The following PHF12 variants were observed in gnomAD, a reference collection of about 807,000 sequenced individuals.
PHF12 encodes the protein PHD factor 1.
In PHF12, 6 loss-of-function variants were observed where a neutral mutation model predicts 99.8. The observed-to-expected ratio is 0.06, with a 90% CI of 0.03 to 0.12. The LOEUF is 0.12. Among genes scored for constraint, PHF12 ranks in the 10% least tolerant of loss-of-function variants. The pLI is 1.00. For synonymous variants in PHF12, 480 were observed against 514.9 expected (o/e 0.93, Z 0.92); for missense variants, 954 against 1,300.1 (o/e 0.73, Z 4.09).
intron 3 of PHF12, chr17:28,924,925 TG>T (rs2040240153): frequency 7.1e-6 from 1 of 140,978 alleles, no homozygotes; most frequent in Admixed American, 7.5e-5. Context: ...CACTCCAGCT[TG>T]GGCGACAGAG....
In PHF12 at chr17:28,950,407, G is replaced by A. The variant is rs2152680979; in HGVS notation, c.67-161C>T. 3.9e-6 allele frequency: 3 copies of A among 767,864 alleles called. No homozygotes were observed. Among genetic ancestry groups the A allele is most frequent in the East Asian group, 2.8e-5 (1 of 36,264 alleles). The allele number at this position is 767,864 out of a possible 1,614,324, so 47.6% of individuals were successfully genotyped here. On this transcript the variant is annotated intron_variant, in intron 1 of 14. Coordinates refer to ENST00000332830, the MANE Select transcript of PHF12 (RefSeq NM_001033561.2). The surrounding 1 kb of genome is among the most constrained non-coding windows in gnomAD (Gnocchi z 5.7). ...AATCTCTCAGCCCCCGGAACCAGGGGGAGCCCACCCTAACCGCGTTCCTGC... is the reference window on the plus strand; with the variant it reads ...AATCTCTCAGCCCCCGGAACCAGGGAGAGCCCACCCTAACCGCGTTCCTGC...
chr17:28,940,012 G>C (rs2040584882), intron 2 of PHF12, among the ~76,000 whole-genome samples: 2 of 152,232 alleles, frequency 1.3e-5, no homozygotes, highest in South Asian at 4.1e-4. Flanking sequence ...CTGCCCTGCT[G>C]TTACTCTGTA....
At chr17:28,917,555 G>C in intron 6 of PHF12, 106 bp from the exon 7 acceptor site, 6 of 1,275,830 alleles carry the variant, frequency 4.7e-6, no homozygotes, top group Non-Finnish European at 5.4e-6. Flanking sequence ...CAGCCACATA[G>C]GTTCCCTCAA....
intron 5 of PHF12, among the ~76,000 whole-genome samples, chr17:28,921,136 G>A (rs890871091): frequency 6.6e-6 from 1 of 151,676 alleles, no homozygotes; most frequent in East Asian, 1.9e-4. Flanking sequence ...AGCCTGCCTC[G>A]GCCTCCCAAA....
chr17:28,947,887 CA>C (rs5819857), intron 2 of PHF12, among the ~76,000 whole-genome samples: 4,042 of 142,328 alleles, frequency 0.028, 131 homozygotes, highest in African/African-American at 0.085. Flanking sequence ...TTCAATGCCT[CA>C]AAAAAAAAAA....
In PHF12 at chr17:28,949,986, G is replaced by A; in HGVS notation, c.248+79C>T. On this transcript the variant is annotated intron_variant, in intron 2 of 14. Transcript: ENST00000332830. This position sits in a 1 kb window ranked among gnomAD's most constrained non-coding sequence, Gnocchi z 4.6. ...GCGGCTGCAAGCGCCCGTTATTTCG[G>A]CAGTCAGGGGCAGGCCGGGTGAAGG... The A allele has an allele frequency of 7.8e-6, 11 of 1,412,328 alleles. No homozygotes were observed. The highest frequency in any genetic ancestry group is 1.0e-5 in the Non-Finnish European group (11 of 1,063,750). The allele number at this position is 1,412,328 out of a possible 1,614,324, so 87.5% of individuals were successfully genotyped here. A position where few individuals can be genotyped will look rare whatever the true frequency, so the allele number is the denominator to read the frequency against.
chr17:28,921,335 A>G (rs2040160618), intron 5 of PHF12, among the ~76,000 whole-genome samples: 1 of 152,064 alleles, frequency 6.6e-6, no homozygotes, highest in Non-Finnish European at 1.5e-5. Flanking sequence ...GTTCATTAAA[A>G]AAATTTTTTT....
Position 28,906,985 on chromosome 17 carries a change from G to A in PHF12, c.2551C>T (p.His851Tyr), listed in dbSNP as rs754671196. 9.9e-6 allele frequency: 16 copies of A among 1,609,122 alleles called. No individual in the cohort carries two copies. In the South Asian group the frequency reaches 1.7e-4, roughly 17 times the overall value. ...TCACTGTAGTTTAACAGCTCATAAT[G>A]TTTGGTATTCTGAGGAGGAGGAGGG... The part of the protein sequence containing the change: ...ACIFYDENTK[H>Y]YELLNYSEHG... Residue 851 changes from histidine (H) to tyrosine (Y), a missense_variant, in exon 14 of 15, where the codon CAT becomes TAT. His to Tyr is a moderately conservative substitution (Grantham distance 83, BLOSUM62 2). Coordinates refer to ENST00000332830, the MANE Select transcript of PHF12 (RefSeq NM_001033561.2). The surrounding 1 kb of genome is among the most constrained non-coding windows in gnomAD (Gnocchi z 4.2).
At position 28,917,466 on chromosome 17, in the gene PHF12, C is replaced by A; in HGVS notation, c.970-17G>T. ...CTGGTTCAGCTAGGGACAAAGCAGACACAACCTTGTGGTGAGCCTCAAAAG... is the reference window on the plus strand; with the variant it reads ...CTGGTTCAGCTAGGGACAAAGCAGAAACAACCTTGTGGTGAGCCTCAAAAG... On this transcript the variant is annotated splice_polypyrimidine_tract_variant and intron_variant, in intron 6 of 14. Transcript: ENST00000332830. 6.3e-7 allele frequency: 1 copy of A among 1,589,148 alleles called. No individual in the cohort carries two copies. Among genetic ancestry groups the A allele is most frequent in the Non-Finnish European group, 8.6e-7 (1 of 1,166,308 alleles).
chr17:28,934,966 T>C (rs2040482416), intron 2 of PHF12, among the ~76,000 whole-genome samples: 1 of 152,250 alleles, frequency 6.6e-6, no homozygotes, highest in African/African-American at 2.4e-5. Context: ...TCTGGAATAG[T>C]TGTCTTCTGT....
Position 28,912,620 on chromosome 17 carries a change from C to T in PHF12, c.1951G>A (p.Gly651Arg). ...GGCCTTGAATCTGTCAACGGAGGTC[C>T]TATCTGTGATTGGACAGTCTTTCTT... ...LQRKTVQSQI[G>R]PPLTDSRPLG... The change falls in exon 9 of 15, where the codon GGA becomes AGA. Residue 651 changes from glycine to arginine, a missense_variant. By Grantham distance (125) the Gly-to-Arg change is moderately radical. Transcript: ENST00000332830. 6.2e-7 allele frequency: 1 copy of T among 1,614,216 alleles called. No individual in the cohort carries two copies. The highest frequency in any genetic ancestry group is 8.5e-7 in the Non-Finnish European group (1 of 1,180,044).
At chr17:28,932,561 G>A (rs2040432689) in intron 2 of PHF12, among the ~76,000 whole-genome samples, 1 of 152,170 alleles carries the variant, frequency 6.6e-6, no homozygotes, top group Non-Finnish European at 1.5e-5. Context: ...CTGCTGACAG[G>A]GAAAGGATTC....
chr17:28,917,332 G>A lies in PHF12; in HGVS notation c.1087C>T (p.Pro363Ser). 1 of 1,614,050 alleles carries A rather than the reference G, an allele frequency of 6.2e-7. No homozygotes were observed. The highest frequency in any genetic ancestry group is 1.1e-5 in the South Asian group (1 of 91,066). Residue 363 changes from proline to serine, a missense_variant, in exon 7 of 15, where the codon CCC becomes TCC. This residue lies in a region of PHF12 where 392 missense variants were observed against 423.1 expected (regional missense o/e 0.93). Coordinates refer to ENST00000332830, the MANE Select transcript of PHF12 (RefSeq NM_001033561.2). ...DFLNRIHKKH[P>S]PNRRVLQSVK... ...GACTGGAGCACACGCCGGTTAGGGG[G>A]GTGCTTCTTGTGGATTCGGTTCAGG...
Position 28,907,677 on chromosome 17 carries a change from AAGGTGGC to A in PHF12, c.2459-12_2459-6del. 1 of 1,613,046 alleles carries A rather than the reference AAGGTGGC, an allele frequency of 6.2e-7. No individual in the cohort carries two copies. The highest frequency in any genetic ancestry group is 8.5e-7 in the Non-Finnish European group (1 of 1,179,182). The stretch of plus-strand genomic sequence containing the variant: ...GGCACACATCCATGTCAGCTCCTGC[AAGGTGGC>A]AGGAGTAGAGGAAAAGGAAGGCAGA... On this transcript the variant is annotated splice_polypyrimidine_tract_variant and splice_region_variant and intron_variant, in intron 12 of 14. Transcript: ENST00000332830.
chr17:28,949,743 G>T lies in PHF12; in HGVS notation c.248+322C>A. 1 of 235,628 alleles carries T rather than the reference G, an allele frequency of 4.2e-6. No homozygotes were observed. Among genetic ancestry groups the T allele is most frequent in the Non-Finnish European group, 8.2e-6 (1 of 121,432 alleles). 14.6% of individuals were successfully genotyped at this position (235,628 alleles called of 1,614,324 possible). On this transcript the variant is annotated intron_variant, in intron 2 of 14. Coordinates refer to ENST00000332830, the MANE Select transcript of PHF12 (RefSeq NM_001033561.2). The surrounding 1 kb of genome is among the most constrained non-coding windows in gnomAD (Gnocchi z 4.6). The stretch of plus-strand genomic sequence containing the variant: ...GCAGGCAAGCGGCACTGGGCCCGGA[G>T]CTCCTCCCCTTCCTCCCCCGCCACT...
Position 28,950,441 on chromosome 17 carries a change from A to C in PHF12, c.67-195T>G. ...CCTAACCGCGTTCCTGCAGCACAAC[A>C]ACGAGAACAGCTTCTTCCAAATGGG... On this transcript the variant is annotated intron_variant, in intron 1 of 14. Transcript: ENST00000332830. The surrounding 1 kb of genome is among the most constrained non-coding windows in gnomAD (Gnocchi z 5.7). The C allele has an allele frequency of 3.3e-6, 2 of 607,780 alleles. No individual in the cohort carries two copies. The highest frequency in any genetic ancestry group is 2.9e-5 in the East Asian group (1 of 34,844). The allele number at this position is 607,780 out of a possible 1,614,324, so 37.6% of individuals were successfully genotyped here.
At chr17:28,934,072 A>C (rs1191887892) in intron 2 of PHF12, among the ~76,000 whole-genome samples, 2 of 152,192 alleles carry the variant, frequency 1.3e-5, no homozygotes, top group Non-Finnish European at 2.9e-5. Context: ...TTGGGGAGAG[A>C]GGATCAAAAT....
In PHF12 at chr17:28,912,093, G is replaced by GGTC; in HGVS notation, c.2089+388_2089+389insGAC. 11 of 1,035,800 alleles carry GGTC rather than the reference G, an allele frequency of 1.1e-5. No homozygotes were observed. The South Asian group carries it at 1.7e-4, about 16-fold the overall frequency. The allele number at this position is 1,035,800 out of a possible 1,614,324, so 64.2% of individuals were successfully genotyped here. A position where few individuals can be genotyped will look rare whatever the true frequency, so the allele number is the denominator to read the frequency against. On this transcript the variant is annotated intron_variant, in intron 9 of 14. Transcript: ENST00000332830. ...TTTTGTGTGGATCTGACAATACTGA[G>GGTC]GCCATCACGCAGAACCTCAGGCTGA...
intron 2 of PHF12, among the ~76,000 whole-genome samples, chr17:28,935,716 G>A (rs2040497713): frequency 6.6e-6 from 1 of 152,170 alleles, no homozygotes; most frequent in Non-Finnish European, 1.5e-5. Context: ...TCTCTGTGAG[G>A]CCTAGAGGGC....
Sources: gnomAD v4.1 joint callset for allele counts (sites outside exome capture counted in the v4.1 genomes callset) on GRCh38, gnomAD v4.1.1 for gene constraint, gnomAD v4.1.1 regional missense constraint, Gnocchi (gnomAD v3.1) non-coding constraint, MANE v1.5 for transcripts, NCBI Gene and HGNC (gene_info 2026-07-23, HGNC 2026-07-21) for gene names.